PARP15: variants seen among roughly 807,000 people sequenced by gnomAD.
The protein encoded by PARP15 is protein mono-ADP-ribosyltransferase PARP15.
A neutral mutation model predicts 62.1 loss-of-function variants in PARP15; 50 were observed. The observed-to-expected ratio is 0.81, with a 90% confidence interval of 0.64 to 1.02. PARP15 has a LOEUF of 1.02. PARP15 is among the 50% of genes least tolerant of loss of function. The probability of loss-of-function intolerance (pLI) is 0.00; values close to 1 mark genes in which losing one functional copy is unlikely to be tolerated. For synonymous variants in PARP15, 309 were observed against 293.1 expected, an observed-to-expected ratio of 1.05 and a Z score of -0.55; for missense variants, 820 against 826.5, an observed-to-expected ratio of 0.99 and a Z score of 0.10.
chr3:122,597,714 TC>T (rs1248450991), intron 1 of PARP15, among the ~76,000 whole-genome samples: 1 of 152,196 alleles, frequency 6.6e-6, no homozygotes, highest in Non-Finnish European at 1.5e-5. Flanking sequence ...CATTTTCTTT[TC>T]TAGTCTATAC....
Position 122,636,327 on chromosome 3 carries a change from C to T in PARP15, c.*227C>T. 2.0e-6 allele frequency: 1 copy of T among 507,604 alleles called. No individual in the cohort carries two copies. Among genetic ancestry groups the T allele is most frequent in the South Asian group, 2.9e-5 (1 of 34,952 alleles). The allele number at this position is 507,604 out of a possible 1,614,324, so 31.4% of individuals were successfully genotyped here. On this transcript the variant is annotated 3_prime_UTR_variant, in exon 12 of 12. Coordinates refer to ENST00000464300, the MANE Select transcript of PARP15 (RefSeq NM_001113523.3). ...GAAATGTATGGTAAATGTCACAGAGCTACAACCATTCACAGACACCAAATC... is the reference window on the plus strand; with the variant it reads ...GAAATGTATGGTAAATGTCACAGAGTTACAACCATTCACAGACACCAAATC...
chr3:122,617,177 A>G lies in PARP15; in HGVS notation c.1000+13A>G. ...AATCGGAAATCAGGTACTTTATTTAAGCAATATATTGTAATTATTAGTATG... is the reference window on the plus strand; with the variant it reads ...AATCGGAAATCAGGTACTTTATTTAGGCAATATATTGTAATTATTAGTATG... On this transcript the variant is annotated intron_variant, in intron 6 of 11. Transcript: ENST00000464300. The G allele has an allele frequency of 6.2e-7, 1 of 1,606,068 alleles. No homozygotes were observed. The highest frequency in any genetic ancestry group is 1.1e-5 in the South Asian group (1 of 90,632).
intron 10 of PARP15, 61 bp downstream of exon 10, chr3:122,632,280 C>G (rs994954929): frequency 1.9e-5 from 28 of 1,486,938 alleles, no homozygotes; most frequent in Non-Finnish European, 2.6e-5. Flanking sequence ...AAAGCTATCT[C>G]TTTTTAAATA....
chr3:122,631,413 G>T (rs1383087365), intron 9 of PARP15, among the ~76,000 whole-genome samples: 1 of 152,190 alleles, frequency 6.6e-6, no homozygotes, highest in Non-Finnish European at 1.5e-5. Flanking sequence ...GGCTTTGTTT[G>T]TAAGGAAGAA....
chr3:122,589,860 C>G (rs7637882), intron 1 of PARP15, among the ~76,000 whole-genome samples: 1,766 of 148,152 alleles, frequency 0.012, 37 homozygotes, highest in African/African-American at 0.04. Flanking sequence ...TTTTTATTTT[C>G]ACAAAATGTA....
At chr3:122,583,737 T>A (rs1576471938) in intron 1 of PARP15, among the ~76,000 whole-genome samples, 1 of 152,220 alleles carries the variant, frequency 6.6e-6, no homozygotes, top group East Asian at 1.9e-4. Context: ...CTGAATGCTT[T>A]ACCCTATACC....
Position 122,592,168 on chromosome 3 carries a change from T to A in PARP15, c.187-13768T>A, listed in dbSNP as rs1182828454. Among the ~76,000 whole-genome samples the A allele has an allele frequency of 2.6e-5, 4 of 152,186 alleles. No individual in the cohort carries two copies. In the East Asian group the frequency reaches 7.7e-4, roughly 29 times the overall value. ...ATGTTCATTACAGCACTTTTCACAATAGCAAAGACATGGAATCAACCCAGA... is the reference window on the plus strand; with the variant it reads ...ATGTTCATTACAGCACTTTTCACAAAAGCAAAGACATGGAATCAACCCAGA... On this transcript the variant is annotated intron_variant, in intron 1 of 11. Coordinates refer to ENST00000464300, the MANE Select transcript of PARP15 (RefSeq NM_001113523.3).
chr3:122,589,888 C>CTTT (rs34826853), intron 1 of PARP15, among the ~76,000 whole-genome samples: 1 of 102,052 alleles, frequency 9.8e-6, no homozygotes, highest in African/African-American at 3.8e-5. Context: ...TAAGGCATAA[C>CTTT]TTTTTTTTTT....
In PARP15 at chr3:122,623,578, G is replaced by C. The variant is rs185375813; in HGVS notation, c.1231+1967G>C. ...TCAGCAAAAGAACCAACCAATAATC[G>C]TAAGTGTTGGAGGAGAGTAAGTGCA... is the stretch of plus-strand genomic sequence containing the variant. On this transcript the variant is annotated intron_variant, in intron 8 of 11. Coordinates refer to ENST00000464300, the MANE Select transcript of PARP15 (RefSeq NM_001113523.3). Among the ~76,000 whole-genome samples the C allele has an allele frequency of 6.6e-5, 10 of 152,278 alleles. No individual in the cohort carries two copies. In the South Asian group the frequency reaches 1.5e-3, roughly 22 times the overall value.
chr3:122,607,668 C>T (rs1444124365), intron 2 of PARP15, among the ~76,000 whole-genome samples: 4 of 152,174 alleles, frequency 2.6e-5, no homozygotes, highest in Non-Finnish European at 4.4e-5. Context: ...GGTCTTTTCA[C>T]TATGCAGTCC....
rs551473277 is a variant in PARP15, at chr3:122,617,118, A to C, written c.954A>C (p.Val318=). 3.7e-6 allele frequency: 6 copies of C among 1,614,052 alleles called. No homozygotes were observed. The East Asian group carries it at 1.3e-4, about 36-fold the overall frequency. Residue 318 remains valine, a synonymous_variant, in exon 6 of 12, where the codon GTA becomes GTC. Coordinates refer to ENST00000464300, the MANE Select transcript of PARP15 (RefSeq NM_001113523.3). The part of the protein sequence containing the change: ...VATGDIATEQ[V]DVIVNSTART... Reference sequence around the variant, plus strand: ...CTGGAGATATAGCCACTGAACAGGTAGATGTTATTGTAAACTCAACAGCAA... The same window carrying C: ...CTGGAGATATAGCCACTGAACAGGTCGATGTTATTGTAAACTCAACAGCAA...
intron 8 of PARP15, among the ~76,000 whole-genome samples, chr3:122,622,502 T>C (rs1008975664): frequency 6.6e-6 from 1 of 152,188 alleles, no homozygotes; most frequent in African/African-American, 2.4e-5. Flanking sequence ...AATTCCAGCC[T>C]TTCTTTTTGT....
At position 122,619,771 on chromosome 3, in the gene PARP15, T is replaced by G. The variant is rs1297638537; in HGVS notation, c.1001-10T>G. 6.2e-7 allele frequency: 1 copy of G among 1,604,754 alleles called. No homozygotes were observed. Among genetic ancestry groups the G allele is most frequent in the African/African-American group, 1.3e-5 (1 of 74,534 alleles). On this transcript the variant is annotated splice_polypyrimidine_tract_variant and intron_variant, in intron 6 of 11. Coordinates refer to ENST00000464300, the MANE Select transcript of PARP15 (RefSeq NM_001113523.3). ...ACTGATGCCTTTTACCATTAACATG[T>G]CTTATTTAGGTGTGTCAAGAGCTAT...
chr3:122,621,567 A>G lies in PARP15; in HGVS notation c.1187A>G (p.Glu396Gly). 6.2e-7 allele frequency: 1 copy of G among 1,612,426 alleles called. No individual in the cohort carries two copies. The highest frequency in any genetic ancestry group is 1.1e-5 in the South Asian group (1 of 90,516). ...GTCACCAGTGTTCTAGAAGAGTGTG[A>G]ACAGAGGAAGTACACATCGGTTTCC... ...KTVTSVLEEC[E>G]QRKYTSVSLP... The change falls in exon 8 of 12, where the codon GAA becomes GGA. Residue 396 changes from glutamate (E) to glycine (G), a missense_variant. Coordinates refer to ENST00000464300, the MANE Select transcript of PARP15 (RefSeq NM_001113523.3).
intron 8 of PARP15, among the ~76,000 whole-genome samples, chr3:122,625,976 C>T (rs184773656): frequency 1.2e-4 from 18 of 152,284 alleles, no homozygotes; most frequent in Admixed American, 5.2e-4. Context: ...ACACACACTA[C>T]GGGGACCTCT....
At chr3:122,622,165 C>T (rs1358562765) in intron 8 of PARP15, among the ~76,000 whole-genome samples, 2 of 152,164 alleles carry the variant, frequency 1.3e-5, no homozygotes, top group African/African-American at 2.4e-5. Flanking sequence ...ATAGTTTTCT[C>T]ACTCTTCATT....
chr3:122,617,253 A>G, intron 6 of PARP15, 89 bp downstream of exon 6: 6 of 1,333,834 alleles, frequency 4.5e-6, no homozygotes, highest in Non-Finnish European at 4.2e-6. Flanking sequence ...GAGTGGACAG[A>G]GAGTGTTGTA....
intron 2 of PARP15, among the ~76,000 whole-genome samples, chr3:122,606,325 T>C (rs2107524674): frequency 6.6e-6 from 1 of 152,304 alleles, no homozygotes; most frequent in Non-Finnish European, 1.5e-5. Context: ...CTGTAACTGA[T>C]CTTGACTTAC....
intron 1 of PARP15, among the ~76,000 whole-genome samples, chr3:122,601,314 C>T (rs1934781350): frequency 6.6e-6 from 1 of 152,158 alleles, no homozygotes; most frequent in Non-Finnish European, 1.5e-5. Context: ...CTGCCTTGGC[C>T]TGTTCCATTG....
Sources: allele counts gnomAD v4.1 joint callset (sites outside exome capture counted in the v4.1 genomes callset), GRCh38; gene constraint gnomAD v4.1.1; transcripts MANE v1.5; gene names NCBI Gene and HGNC (gene_info 2026-07-23, HGNC 2026-07-21).